The following TC2N variants were observed in gnomAD, a reference collection of about 807,000 sequenced individuals.
The protein encoded by TC2N is tandem C2 domains, nuclear, also known as tandem C2 domains nuclear protein.
A neutral mutation model predicts 61.9 loss-of-function variants in TC2N; 51 were observed. That is an observed-to-expected ratio of 0.82 (90% CI 0.66 to 1.04). TC2N has a LOEUF of 1.04. Among genes scored for constraint, TC2N ranks in the 50% least tolerant of loss-of-function variants. The pLI is 0.00. For missense variants in TC2N, 556 were observed against 566.7 expected, an observed-to-expected ratio of 0.98 and a Z score of 0.19; for synonymous variants, 204 against 192.6, an observed-to-expected ratio of 1.06 and a Z score of -0.49.
intron 3 of TC2N, among the ~76,000 whole-genome samples, 174 bp from the exon 4 acceptor site, chr14:91,802,595 T>C (rs1485740591): frequency 1.3e-5 from 2 of 152,222 alleles, no homozygotes; most frequent in Admixed American, 6.5e-5. Flanking sequence ...TGAAGTATTA[T>C]GCCAAGGATC....
At chr14:91,818,033 A>C (rs1887079840) in intron 1 of TC2N, among the ~76,000 whole-genome samples, 1 of 152,198 alleles carries the variant, frequency 6.6e-6, no homozygotes, top group Admixed American at 6.5e-5. Context: ...ACTGAGAAAT[A>C]GGAACTAAAT....
chr14:91,819,805 T>C (rs1436962682), intron 1 of TC2N, among the ~76,000 whole-genome samples: 1 of 152,146 alleles, frequency 6.6e-6, no homozygotes, highest in Non-Finnish European at 1.5e-5. Context: ...AATTATAGTA[T>C]ATGTGATGTG....
chr14:91,851,313 T>C (rs1595276625), intron 1 of TC2N, among the ~76,000 whole-genome samples: 1 of 152,150 alleles, frequency 6.6e-6, no homozygotes, highest in Non-Finnish European at 1.5e-5. Context: ...GCAACTTACG[T>C]TGGTCTTGGG....
intron 1 of TC2N, among the ~76,000 whole-genome samples, chr14:91,858,123 G>A (rs1005709010): frequency 6.8e-5 from 10 of 147,510 alleles, no homozygotes; most frequent in Non-Finnish European, 1.0e-4. Context: ...GCACCACTAT[G>A]CTTGGCTGAT....
At position 91,820,414 on chromosome 14, in the gene TC2N, C is replaced by A. The variant is rs567792412; in HGVS notation, c.-56-6589G>T. Among the ~76,000 whole-genome samples the A allele has an allele frequency of 3.3e-5, 5 of 151,692 alleles. No individual in the cohort carries two copies. In the South Asian group the frequency reaches 8.3e-4, roughly 25 times the overall value. On this transcript the variant is annotated intron_variant, in intron 1 of 11. Transcript: ENST00000435962. ...ATAGATACAAAAATTTGACAAAATCCAATATTCGTGATAAAAATACTGAGA... is the reference window on the plus strand; with the variant it reads ...ATAGATACAAAAATTTGACAAAATCAAATATTCGTGATAAAAATACTGAGA...
intron 10 of TC2N, 146 bp from the exon 11 acceptor site, chr14:91,785,507 C>A (rs564312712): frequency 4.9e-5 from 30 of 608,796 alleles, no homozygotes; most frequent in Non-Finnish European, 1.9e-5. Flanking sequence ...TGATGAGCTA[C>A]GACCATAACA....
chr14:91,824,994 C>CCCCTTAAT (rs1293840100), intron 1 of TC2N, among the ~76,000 whole-genome samples: 2 of 150,798 alleles, frequency 1.3e-5, no homozygotes, highest in Admixed American at 1.3e-4. Flanking sequence ...TTGAGTAGAG[C>CCCCTTAAT]CCCTTAATCC....
chr14:91,794,842 T>C (rs911504897), intron 8 of TC2N, among the ~76,000 whole-genome samples: 1 of 152,100 alleles, frequency 6.6e-6, no homozygotes, highest in African/African-American at 2.4e-5. Context: ...AAACTAAATT[T>C]TGTAAGGCTA....
intron 1 of TC2N, among the ~76,000 whole-genome samples, chr14:91,866,848 G>A (rs1033731411): frequency 6.6e-6 from 1 of 152,226 alleles, no homozygotes; most frequent in Non-Finnish European, 1.5e-5. Context: ...CAAGGGGTAG[G>A]TAAAGCAAGT....
chr14:91,801,049 C>CAT (rs1361084632), intron 4 of TC2N, among the ~76,000 whole-genome samples: 1,040 of 144,208 alleles, frequency 7.2e-3, no homozygotes, highest in African/African-American at 7.8e-3. Flanking sequence ...TACATATATA[C>CAT]ATATATACAC....
At chr14:91,864,040 C>T (rs1352402967) in intron 1 of TC2N, among the ~76,000 whole-genome samples, 1 of 151,984 alleles carries the variant, frequency 6.6e-6, no homozygotes, top group African/African-American at 2.4e-5. Context: ...GAATTCAGTC[C>T]TCAGAATTCA....
intron 1 of TC2N, among the ~76,000 whole-genome samples, chr14:91,855,362 C>T (rs763447129): frequency 3.9e-5 from 6 of 152,210 alleles, no homozygotes; most frequent in Admixed American, 1.3e-4. Flanking sequence ...GTCAGCAGGG[C>T]CATGCTCCCT....
rs935724857 is a variant in TC2N, at chr14:91,780,950, A to C, written c.*2150T>G. The C allele has an allele frequency of 6.7e-6, 1 of 149,770 alleles. No homozygotes were observed. Among genetic ancestry groups the C allele is most frequent in the African/African-American group, 2.5e-5 (1 of 39,286 alleles). 9.3% of individuals were successfully genotyped at this position (149,770 alleles called of 1,614,324 possible). A position where few individuals can be genotyped will look rare whatever the true frequency, so the allele number is the denominator to read the frequency against. On this transcript the variant is annotated 3_prime_UTR_variant, in exon 12 of 12. Transcript: ENST00000435962. ...TTGTATCAATACTTCTGTACCTGAA[A>C]GCTCTTTTAAATGTAAGGGTTTTCT... is the stretch of plus-strand genomic sequence containing the variant.
chr14:91,867,011 T>C (rs1386027845), intron 1 of TC2N, among the ~76,000 whole-genome samples: 1 of 152,174 alleles, frequency 6.6e-6, no homozygotes, highest in Non-Finnish European at 1.5e-5. Context: ...CTGGTGCATT[T>C]ACACTGAACC....
intron 8 of TC2N, among the ~76,000 whole-genome samples, chr14:91,794,673 C>A (rs1005894596): frequency 6.6e-6 from 1 of 152,056 alleles, no homozygotes; most frequent in Non-Finnish European, 1.5e-5. Context: ...AAAAAGATTC[C>A]TTTCAAAACA....
At position 91,837,151 on chromosome 14, in the gene TC2N, C is replaced by T. The variant is rs1041731754; in HGVS notation, c.-56-23326G>A. On this transcript the variant is annotated intron_variant, in intron 1 of 11. Coordinates refer to ENST00000435962, the MANE Select transcript of TC2N (RefSeq NM_001128596.3). This position sits in a 1 kb window ranked among gnomAD's most constrained non-coding sequence, Gnocchi z 4.2. ...GGGCCTGGCCCTTTTCTCTGGGCTT[C>T]CTTGGTGGAAATCTCAACACTGCTT... Among the ~76,000 whole-genome samples the T allele has an allele frequency of 6.6e-6, 1 of 152,182 alleles. No individual in the cohort carries two copies. Among genetic ancestry groups the T allele is most frequent in the Non-Finnish European group, 1.5e-5 (1 of 68,044 alleles).
At chr14:91,783,268 A>G in intron 11 of TC2N, 58 bp from the exon 12 acceptor site, 1 of 974,996 alleles carries the variant, frequency 1.0e-6, no homozygotes, top group African/African-American at 1.6e-5. Flanking sequence ...AACTACATTC[A>G]GACAGTTAGT....
At chr14:91,845,847 T>C (rs1187967526) in intron 1 of TC2N, among the ~76,000 whole-genome samples, 2 of 152,228 alleles carry the variant, frequency 1.3e-5, no homozygotes, top group African/African-American at 2.4e-5. Context: ...ACTTCCTCAA[T>C]GGTATATCTA....
intron 2 of TC2N, among the ~76,000 whole-genome samples, chr14:91,813,375 T>A (rs1227898369): frequency 6.6e-6 from 1 of 151,840 alleles, no homozygotes; most frequent in African/African-American, 2.4e-5. Context: ...TCCCTGTCTT[T>A]GCCTGTACTA....
Sources: allele counts gnomAD v4.1 joint callset (sites outside exome capture counted in the v4.1 genomes callset), GRCh38; gene constraint gnomAD v4.1.1; non-coding constraint Gnocchi (gnomAD v3.1); transcripts MANE v1.5; gene names NCBI Gene and HGNC (gene_info 2026-07-23, HGNC 2026-07-21).